ADAMTS18: variants seen among roughly 807,000 people sequenced by gnomAD.
ADAMTS18 encodes A disintegrin and metalloproteinase with thrombospondin motifs 18.
Under a neutral mutation model 165.9 loss-of-function variants are expected in ADAMTS18, and 157 were observed. The observed-to-expected ratio is 0.95, with a 90% CI of 0.83 to 1.08. The LOEUF (loss-of-function observed/expected upper bound fraction) is 1.08, where lower values mean the gene tolerates loss of function less well. Ranked by LOEUF, ADAMTS18 falls within the 50% of genes least tolerant of loss-of-function variation. The pLI is 0.00. For missense variants in ADAMTS18, 2,040 were observed against 1,534.0 expected, an observed-to-expected ratio of 1.33 and a Z score of -5.51; for synonymous variants, 782 against 578.2, an observed-to-expected ratio of 1.35 and a Z score of -5.06.
intron 3 of ADAMTS18, among the ~76,000 whole-genome samples, chr16:77,377,902 A>G (rs1411560616): frequency 2.0e-5 from 3 of 152,222 alleles, no homozygotes; most frequent in Non-Finnish European, 4.4e-5. Context: ...AATATGAAAT[A>G]GAAATTCATA....
intron 12 of ADAMTS18, among the ~76,000 whole-genome samples, chr16:77,326,271 C>T (rs2056094635): frequency 6.6e-6 from 1 of 152,142 alleles, no homozygotes; most frequent in Admixed American, 6.5e-5. Context: ...TTTTCATTAC[C>T]ACTGTTCACT....
At position 77,288,403 on chromosome 16, in the gene ADAMTS18, T is replaced by G. The variant is rs185323165; in HGVS notation, c.3550+861A>C. On this transcript the variant is annotated intron_variant, in intron 22 of 22. Transcript: ENST00000282849. ...CTGAGTAACTGCTACAGAGCTATTTTTTTTTTGGTCTTGTGCAAGATTCTT... is the reference window on the plus strand; with the variant it reads ...CTGAGTAACTGCTACAGAGCTATTTGTTTTTTGGTCTTGTGCAAGATTCTT... Among the ~76,000 whole-genome samples the G allele has an allele frequency of 1.6e-3, 239 of 151,950 alleles. 1 individual carries two copies. Among genetic ancestry groups the G allele is most frequent in the African/African-American group, 5.6e-3 (232 of 41,474 alleles).
At chr16:77,343,288 G>T (rs1224921613) in intron 10 of ADAMTS18, among the ~76,000 whole-genome samples, 5 of 152,164 alleles carry the variant, frequency 3.3e-5, no homozygotes, top group Non-Finnish European at 7.3e-5. Flanking sequence ...TGGCCAGGCT[G>T]GTCTCGAACT....
intron 16 of ADAMTS18, among the ~76,000 whole-genome samples, chr16:77,315,382 G>A (rs761857522): frequency 6.6e-6 from 1 of 152,094 alleles, no homozygotes; most frequent in Non-Finnish European, 1.5e-5. Context: ...AGATTCAGAC[G>A]GATTTTAAAT....
At position 77,403,389 on chromosome 16, in the gene ADAMTS18, A is replaced by C. The variant is rs141705798; in HGVS notation, c.495+27906T>G. ...AAGCAACTTTCTCAATGTCACAACA[A>C]TTTTATCAAGTGGCAGAGCCAGTAT... is the stretch of plus-strand genomic sequence containing the variant. On this transcript the variant is annotated intron_variant, in intron 3 of 22. Coordinates refer to ENST00000282849, the MANE Select transcript of ADAMTS18 (RefSeq NM_199355.4). 5.9e-3 allele frequency among the ~76,000 whole-genome samples: 891 copies of C among 152,272 alleles called. 12 individuals are homozygous for C. The highest frequency in any genetic ancestry group is 0.02 in the African/African-American group (839 of 41,558).
chr16:77,289,502 C>A, intron 21 of ADAMTS18, 91 bp from the exon 22 acceptor site: 1 of 1,460,822 alleles, frequency 6.8e-7, no homozygotes, highest in Non-Finnish European at 9.5e-7. Flanking sequence ...ATGACATTAA[C>A]AAGATGCCTG....
At chr16:77,374,711 C>A (rs988170032) in intron 3 of ADAMTS18, among the ~76,000 whole-genome samples, 4 of 152,158 alleles carry the variant, frequency 2.6e-5, no homozygotes, top group African/African-American at 4.8e-5. Flanking sequence ...ATGCAAACTG[C>A]AGACAACTCA....
In ADAMTS18 at chr16:77,293,131, A is replaced by G; in HGVS notation, c.3134T>C (p.Leu1045Pro). ...CCGGCTGTTCTTGGGGCATCGTCCA[A>G]GCACACAGCCCTCCTGCAGCTCAGG... ...PRPELQEGCV[L>P]GRCPKNSRLQ... The change falls in exon 20 of 23, where the codon CTT (leucine) becomes CCT (proline). Residue 1045 changes from leucine to proline, a missense_variant. Leu to Pro is a moderately conservative substitution (Grantham distance 98, BLOSUM62 -3). Coordinates refer to ENST00000282849, the MANE Select transcript of ADAMTS18 (RefSeq NM_199355.4). 1.9e-6 allele frequency: 3 copies of G among 1,614,048 alleles called. No homozygotes were observed. The highest frequency in any genetic ancestry group is 3.3e-5 in the Admixed American group (2 of 60,010).
intron 3 of ADAMTS18, among the ~76,000 whole-genome samples, chr16:77,391,198 G>C (rs1434188945): frequency 6.6e-6 from 1 of 152,086 alleles, no homozygotes; most frequent in Non-Finnish European, 1.5e-5. Flanking sequence ...TAAGTCCTTT[G>C]TTTTATATAA....
intron 22 of ADAMTS18, among the ~76,000 whole-genome samples, chr16:77,284,398 G>T (rs2055208443): frequency 6.6e-6 from 1 of 152,190 alleles, no homozygotes; most frequent in South Asian, 2.1e-4. Flanking sequence ...AAAGTACTGG[G>T]ATTACAGGTG....
chr16:77,361,218 G>T (rs1159401000), intron 7 of ADAMTS18, among the ~76,000 whole-genome samples: 3 of 152,214 alleles, frequency 2.0e-5, no homozygotes, highest in African/African-American at 7.2e-5. Flanking sequence ...GGCCTGCATA[G>T]CTTAACATAT....
chr16:77,354,025 C>G (rs2056593930), intron 9 of ADAMTS18, 139 bp from the exon 10 acceptor site: 1 of 1,088,128 alleles, frequency 9.2e-7, no homozygotes, highest in Non-Finnish European at 1.4e-6. Flanking sequence ...AAGTTCAAAT[C>G]TATGTTTATG....
At chr16:77,403,381 T>C (rs1486023116) in intron 3 of ADAMTS18, among the ~76,000 whole-genome samples, 1 of 152,178 alleles carries the variant, frequency 6.6e-6, no homozygotes, top group Non-Finnish European at 1.5e-5. Flanking sequence ...TTTCTCAATG[T>C]CACAACAATT....
chr16:77,418,925 T>C (rs933301848), intron 3 of ADAMTS18, among the ~76,000 whole-genome samples: 3 of 152,098 alleles, frequency 2.0e-5, no homozygotes, highest in African/African-American at 7.2e-5. Flanking sequence ...TCCAGGCAGG[T>C]GGATCACAAG....
chr16:77,328,107 C>T (rs918238864), intron 12 of ADAMTS18, among the ~76,000 whole-genome samples: 1 of 152,088 alleles, frequency 6.6e-6, no homozygotes, highest in Non-Finnish European at 1.5e-5. Context: ...TCCATTAGAA[C>T]ATAAATAATG....
intron 16 of ADAMTS18, among the ~76,000 whole-genome samples, chr16:77,315,225 C>G (rs1302263435): frequency 3.9e-5 from 6 of 152,050 alleles, no homozygotes; most frequent in Non-Finnish European, 8.8e-5. Flanking sequence ...CTTTTGAAAT[C>G]TGAATAATAG....
chr16:77,399,200 GCTGTGCACATTGCTGTCTTTGGT>G (rs2144805850), intron 3 of ADAMTS18, among the ~76,000 whole-genome samples: 1 of 152,302 alleles, frequency 6.6e-6, no homozygotes, highest in East Asian at 1.9e-4. Flanking sequence ...AGGCACCAGC[GCTGTGCACATTGCTGTCTTTGGT>G]CTGAAACTGT....
intron 3 of ADAMTS18, among the ~76,000 whole-genome samples, chr16:77,407,300 T>C (rs2096600882): frequency 1.3e-5 from 2 of 152,060 alleles, no homozygotes; most frequent in South Asian, 2.1e-4. Context: ...AAGATCTCTA[T>C]AATGAAAACT....
At chr16:77,306,834 C>A (rs892174209) in intron 16 of ADAMTS18, among the ~76,000 whole-genome samples, 1 of 152,132 alleles carries the variant, frequency 6.6e-6, no homozygotes, top group Non-Finnish European at 1.5e-5. Context: ...TACTCAAAGT[C>A]ACATAGCTAA....
Sources: allele counts gnomAD v4.1 joint callset (sites outside exome capture counted in the v4.1 genomes callset), GRCh38; gene constraint gnomAD v4.1.1; transcripts MANE v1.5; gene names NCBI Gene and HGNC (gene_info 2026-07-23, HGNC 2026-07-21).